Variants in MMEL1 observed in about 807,000 individuals in gnomAD.
The protein encoded by MMEL1 is membrane metalloendopeptidase like 1.
A neutral mutation model predicts 117.1 loss-of-function variants in MMEL1; 98 were observed. The observed-to-expected ratio is 0.84, with a 90% CI of 0.71 to 0.99. The LOEUF is 0.99. Among genes scored for constraint, MMEL1 ranks in the 50% least tolerant of loss-of-function variants. MMEL1 has a pLI of 0.00. For synonymous variants in MMEL1, 390 were observed against 415.1 expected, an observed-to-expected ratio of 0.94 and a Z score of 0.74; for missense variants, 1,014 against 1,049.1, an observed-to-expected ratio of 0.97 and a Z score of 0.46.
chr1:2,608,009 T>C (rs1645057304), intron 6 of MMEL1, among the ~76,000 whole-genome samples: 1 of 152,094 alleles, frequency 6.6e-6, no homozygotes, highest in Non-Finnish European at 1.5e-5. Context: ...TTCCACATGG[T>C]CTGGCCCCTG....
chr1:2,594,674 A>C (rs909712756), intron 17 of MMEL1, 116 bp downstream of exon 17: 1 of 969,992 alleles, frequency 1.0e-6, no homozygotes, highest in Non-Finnish European at 1.6e-6. Flanking sequence ...TGCACCCCTC[A>C]GCTGGCACTG....
rs572733511 is a variant in MMEL1, at chr1:2,611,500, C to G, written c.233-160G>C. On this transcript the variant is annotated intron_variant, in intron 3 of 23. Transcript: ENST00000378412. ...AGGGTGGGTGGAGCATGGGCTGAAG[C>G]CAGTAGGGCAAGGCCAGGGTAACCA... 284 of 514,434 alleles carry G rather than the reference C, an allele frequency of 5.5e-4. 1 individual carries two copies. Among genetic ancestry groups the G allele is most frequent in the Non-Finnish European group, 1.5e-4 (44 of 294,090 alleles). The allele number at this position is 514,434 out of a possible 1,614,324, so 31.9% of individuals were successfully genotyped here.
At chr1:2,614,759 T>C (rs1239763028) in intron 2 of MMEL1, among the ~76,000 whole-genome samples, 1 of 151,898 alleles carries the variant, frequency 6.6e-6, no homozygotes, top group African/African-American at 2.4e-5. Context: ...CACATTATCC[T>C]AGAAGCTGTT....
At chr1:2,593,198 C>A (rs1025514427) in intron 19 of MMEL1, among the ~76,000 whole-genome samples, 1 of 152,198 alleles carries the variant, frequency 6.6e-6, no homozygotes, top group African/African-American at 2.4e-5. Context: ...TCCCATGCCA[C>A]CCCCTGAGGC....
chr1:2,623,611 G>A (rs1285692149), intron 2 of MMEL1, among the ~76,000 whole-genome samples: 1 of 152,230 alleles, frequency 6.6e-6, no homozygotes, highest in Non-Finnish European at 1.5e-5. Flanking sequence ...TACAGGCCCA[G>A]TGTGGGCTGC....
intron 2 of MMEL1, among the ~76,000 whole-genome samples, chr1:2,617,165 C>T (rs942450922): frequency 2.2e-4 from 33 of 152,094 alleles, no homozygotes; most frequent in Non-Finnish European, 4.1e-4. Context: ...CGGTGGCTCA[C>T]GCCTGTAATC....
At chr1:2,614,904 C>A (rs75265574) in intron 2 of MMEL1, among the ~76,000 whole-genome samples, 1 of 151,310 alleles carries the variant, frequency 6.6e-6, no homozygotes, top group Non-Finnish European at 1.5e-5. Context: ...AGTGCTCCCC[C>A]CCAAAAAACT....
rs1644932641 is a variant in MMEL1 at position 2,601,610 on chromosome 1, C to G, written c.1041+2274G>C. ...TAGCCTCCATTGAAACAAAGAAACC[C>G]TTATGAGAGTAAAAAAGCAAGCTGC... On this transcript the variant is annotated intron_variant, in intron 11 of 23. Coordinates refer to ENST00000378412, the MANE Select transcript of MMEL1 (RefSeq NM_033467.4). 1.3e-5 allele frequency among the ~76,000 whole-genome samples: 2 copies of G among 152,156 alleles called. 1 individual carries two copies. Among genetic ancestry groups the G allele is most frequent in the South Asian group, 4.1e-4 (2 of 4,830 alleles).
chr1:2,612,248 C>A lies in MMEL1; in HGVS notation c.155-44G>T. The A allele has an allele frequency of 6.5e-7, 1 of 1,532,372 alleles. No individual in the cohort carries two copies. The allele number at this position is 1,532,372 out of a possible 1,614,324, so 94.9% of individuals were successfully genotyped here. On this transcript the variant is annotated intron_variant, in intron 2 of 23. Coordinates refer to ENST00000378412, the MANE Select transcript of MMEL1 (RefSeq NM_033467.4). The surrounding 1 kb of genome is among the most constrained non-coding windows in gnomAD (Gnocchi z 5.4). ...CTCAGCTGCGGCCTCCTGCCTGCAG[C>A]TCCCTGGGGGTGCTGGGGGCCTCCC...
chr1:2,604,457 G>A (rs1175310866), intron 9 of MMEL1, among the ~76,000 whole-genome samples, 176 bp from the exon 10 acceptor site: 1 of 152,218 alleles, frequency 6.6e-6, no homozygotes, highest in Admixed American at 6.5e-5. Context: ...TCTCAGACGC[G>A]TGACCTGTGC....
intron 1 of MMEL1, among the ~76,000 whole-genome samples, chr1:2,630,539 C>T (rs1445656739): frequency 2.9e-5 from 4 of 139,990 alleles, no homozygotes; most frequent in Non-Finnish European, 6.1e-5. Context: ...TGGATATGCA[C>T]TGTCTACGCT....
intron 11 of MMEL1, among the ~76,000 whole-genome samples, chr1:2,600,729 T>TTTA (rs1416738000): frequency 3.2e-4 from 49 of 152,244 alleles, no homozygotes; most frequent in African/African-American, 9.9e-4. Flanking sequence ...CCTGTTTTTT[T>TTTA]ACAAATGATA....
At chr1:2,619,176 G>A (rs1304673353) in intron 2 of MMEL1, among the ~76,000 whole-genome samples, 2 of 152,258 alleles carry the variant, frequency 1.3e-5, no homozygotes, top group East Asian at 3.9e-4. Flanking sequence ...GCTGGGCTCT[G>A]GTAGGAGGAT....
At chr1:2,594,138 G>C (rs969488259) in intron 18 of MMEL1, 1 of 783,142 alleles carries the variant, frequency 1.3e-6, no homozygotes, top group Non-Finnish European at 2.0e-6. Flanking sequence ...ACCTCAGTCC[G>C]GCCTCCTCCC....
At chr1:2,598,336 G>A (rs1557526709) in intron 12 of MMEL1, 36 bp from the exon 13 acceptor site, 1 of 1,598,728 alleles carries the variant, frequency 6.3e-7, no homozygotes, top group Admixed American at 1.7e-5. Flanking sequence ...GGGAGAACAG[G>A]TGAGAGGTCT....
chr1:2,630,514 G>A (rs555873441), intron 1 of MMEL1, among the ~76,000 whole-genome samples: 155 of 146,442 alleles, frequency 1.1e-3, no homozygotes, highest in Non-Finnish European at 1.9e-3. Flanking sequence ...TCGTGTGTGC[G>A]TGTGCATGAT....
chr1:2,614,781 C>G (rs755689156), intron 2 of MMEL1, among the ~76,000 whole-genome samples: 1 of 151,572 alleles, frequency 6.6e-6, no homozygotes, highest in Non-Finnish European at 1.5e-5. Flanking sequence ...GTTTTTGATA[C>G]CATTATCCGA....
At chr1:2,628,059 G>A (rs1638351807) in intron 2 of MMEL1, among the ~76,000 whole-genome samples, 1 of 152,234 alleles carries the variant, frequency 6.6e-6, no homozygotes, top group African/African-American at 2.4e-5. Flanking sequence ...GTGTGTGTGG[G>A]GTCAGCCTTG....
intron 2 of MMEL1, among the ~76,000 whole-genome samples, chr1:2,620,625 G>A (rs1487629341): frequency 6.6e-6 from 1 of 152,068 alleles, no homozygotes; most frequent in Non-Finnish European, 1.5e-5. Flanking sequence ...GCTGGTGGGG[G>A]GCATAATCTG....
Sources: allele counts gnomAD v4.1 joint callset (sites outside exome capture counted in the v4.1 genomes callset), GRCh38; gene constraint gnomAD v4.1.1; non-coding constraint Gnocchi (gnomAD v3.1); transcripts MANE v1.5; gene names NCBI Gene and HGNC (gene_info 2026-07-23, HGNC 2026-07-21).